The following CPAP variants were observed in gnomAD, a reference collection of about 807,000 sequenced individuals.
CPAP encodes centrosome assembly and centriole elongation protein.
the CPAP span, among the ~76,000 whole-genome samples, chr13:24,927,530 G>A: frequency 1.3e-5 from 2 of 152,250 alleles, no homozygotes; most frequent in East Asian, 3.9e-4. Flanking sequence ...GTGATTCCTC[G>A]AGTTTTGAGT....
chr13:24,883,485 T>TTG, the CPAP span: 6 of 760,914 alleles, frequency 7.9e-6, 1 homozygote, highest in Non-Finnish European at 1.3e-5. Context: ...GAGACATCCC[T>TTG]TGGTTATCCC....
chr13:24,909,957 G>A, the CPAP span: 6 of 1,614,152 alleles, frequency 3.7e-6, no homozygotes, highest in South Asian at 3.3e-5. Flanking sequence ...AATGTTGGAC[G>A]GGTATGTTTC....
chr13:24,910,311 CCT>C, the CPAP span, among the ~76,000 whole-genome samples: 1 of 152,228 alleles, frequency 6.6e-6, no homozygotes, highest in Non-Finnish European at 1.5e-5. Flanking sequence ...GCAACCTCCA[CCT>C]CTTGGGTTCA....
chr13:24,933,028 T>C, the CPAP span: 1 of 1,588,472 alleles, frequency 6.3e-7, no homozygotes, highest in Non-Finnish European at 8.6e-7. Flanking sequence ...CTTTGCAAAT[T>C]GTATCTTCTG....
chr13:24,913,097 G>C, the CPAP span: 6 of 1,349,136 alleles, frequency 4.4e-6, no homozygotes, highest in Non-Finnish European at 6.3e-6. Flanking sequence ...AACACCTGTA[G>C]ACAAAAATAG....
the CPAP span, among the ~76,000 whole-genome samples, chr13:24,901,241 G>C: frequency 1.3e-5 from 2 of 152,156 alleles, no homozygotes; most frequent in African/African-American, 4.8e-5. Context: ...GCACATTTGA[G>C]AAAGTTAAAT....
At chr13:24,894,181 G>A in the CPAP span, among the ~76,000 whole-genome samples, 1 of 152,230 alleles carries the variant, frequency 6.6e-6, no homozygotes, top group Non-Finnish European at 1.5e-5. Context: ...TAGGGACTGA[G>A]GTTCTTGGAG....
At chr13:24,890,792 G>A in the CPAP span, among the ~76,000 whole-genome samples, 1 of 151,980 alleles carries the variant, frequency 6.6e-6, no homozygotes, top group African/African-American at 2.4e-5. Context: ...TCCCGCCTCT[G>A]GGCACAAAGG....
At chr13:24,901,456 T>C in the CPAP span, among the ~76,000 whole-genome samples, 1 of 152,174 alleles carries the variant, frequency 6.6e-6, no homozygotes, top group Admixed American at 6.5e-5. Context: ...AGAAGAAGCC[T>C]CAGATGCTGA....
the CPAP span, chr13:24,906,318 C>G: frequency 6.2e-7 from 1 of 1,604,294 alleles, no homozygotes; most frequent in Non-Finnish European, 8.5e-7. Flanking sequence ...TCATCTAATT[C>G]CAAATTTTCC....
chr13:24,892,495 A>T, the CPAP span: 2 of 677,548 alleles, frequency 3.0e-6, no homozygotes, highest in Non-Finnish European at 5.2e-6. Context: ...TCATCTTACA[A>T]GATGGAAACT....
chr13:24,907,922 A>C, the CPAP span: 30 of 962,142 alleles, frequency 3.1e-5, no homozygotes, highest in South Asian at 1.5e-4. Context: ...CAAAAACCAG[A>C]AAAATATAGA....
the CPAP span, chr13:24,883,082 A>T: frequency 9.0e-7 from 1 of 1,108,238 alleles, no homozygotes; most frequent in South Asian, 1.3e-5. Flanking sequence ...TCTTTTCCCC[A>T]CACATACACA....
the CPAP span, chr13:24,912,824 T>C: frequency 6.2e-7 from 1 of 1,614,240 alleles, no homozygotes; most frequent in Non-Finnish European, 8.5e-7. Context: ...TCTTCATTTA[T>C]AAAGCTGAAG....
At chr13:24,883,636 T>C in the CPAP span, among the ~76,000 whole-genome samples, 1 of 152,222 alleles carries the variant, frequency 6.6e-6, no homozygotes, top group Non-Finnish European at 1.5e-5. Context: ...TTTTGGTTGT[T>C]ATATTAAAAG....
chr13:24,928,315 G>C, the CPAP span, among the ~76,000 whole-genome samples: 1 of 152,312 alleles, frequency 6.6e-6, no homozygotes, highest in Non-Finnish European at 1.5e-5. Context: ...TTGGGGAGAT[G>C]CATGTGTCTG....
At chr13:24,883,870 T>C in the CPAP span, 1 of 1,432,450 alleles carries the variant, frequency 7.0e-7, no homozygotes, top group Non-Finnish European at 9.8e-7. Context: ...GGGTGTCACA[T>C]ATCATCAGAA....
chr13:24,884,221 T>C, the CPAP span: 1 of 1,614,166 alleles, frequency 6.2e-7, no homozygotes, highest in Non-Finnish European at 8.5e-7. Context: ...GTGTGAGTGG[T>C]CTGGGCAGCT....
the CPAP span, among the ~76,000 whole-genome samples, chr13:24,900,115 G>A: frequency 6.6e-6 from 1 of 151,606 alleles, no homozygotes; most frequent in East Asian, 1.9e-4. Flanking sequence ...GGGTGAAACT[G>A]TGTTGTATGT....
Sources: gnomAD v4.1 joint callset for allele counts (sites outside exome capture counted in the v4.1 genomes callset) on GRCh38, gnomAD v4.1.1 for gene constraint, MANE v1.5 for transcripts, NCBI Gene and HGNC (gene_info 2026-07-23, HGNC 2026-07-21) for gene names.